Variants in ENTREP2 observed in about 807,000 individuals in gnomAD.
ENTREP2 encodes the protein endosomal transmembrane epsin interactor 2.
chr15:29,231,530 G>A, the ENTREP2 span, among the ~76,000 whole-genome samples: 1 of 152,060 alleles, frequency 6.6e-6, no homozygotes, highest in African/African-American at 2.4e-5. Flanking sequence ...ATTATTGTAT[G>A]TGATTAATGA....
chr15:29,643,972 TA>T, the ENTREP2 span, among the ~76,000 whole-genome samples: 1 of 152,070 alleles, frequency 6.6e-6, no homozygotes, highest in Non-Finnish European at 1.5e-5. Context: ...TATGCCTGCA[TA>T]AAAGCTTGTA....
chr15:29,524,593 T>C, the ENTREP2 span, among the ~76,000 whole-genome samples: 1 of 152,218 alleles, frequency 6.6e-6, no homozygotes, highest in South Asian at 2.1e-4. Context: ...CAGCGACTAG[T>C]GTTCAGCTCG....
chr15:29,462,479 C>T, the ENTREP2 span, among the ~76,000 whole-genome samples: 1 of 151,826 alleles, frequency 6.6e-6, no homozygotes, highest in Non-Finnish European at 1.5e-5. Context: ...GTGTGGTGGG[C>T]CACACCTGTA....
the ENTREP2 span, among the ~76,000 whole-genome samples, chr15:29,325,545 T>C: frequency 1.3e-5 from 2 of 151,992 alleles, no homozygotes; most frequent in Non-Finnish European, 2.9e-5. Flanking sequence ...CCAAAACTCA[T>C]ACAAGGAGAA....
At chr15:29,417,622 A>T in the ENTREP2 span, among the ~76,000 whole-genome samples, 1 of 152,084 alleles carries the variant, frequency 6.6e-6, no homozygotes, top group Non-Finnish European at 1.5e-5. Flanking sequence ...GTGCACAGGT[A>T]CCCTAAAACT....
At chr15:29,372,410 T>G in the ENTREP2 span, among the ~76,000 whole-genome samples, 2 of 152,346 alleles carry the variant, frequency 1.3e-5, no homozygotes, top group Admixed American at 6.5e-5. Context: ...AAAATATGTG[T>G]TAGTTGACTA....
the ENTREP2 span, among the ~76,000 whole-genome samples, chr15:29,491,961 TCAAA>T: frequency 1.3e-5 from 2 of 152,254 alleles, no homozygotes; most frequent in African/African-American, 4.8e-5. Flanking sequence ...CATGAAAAGC[TCAAA>T]CACTCAGGAT....
the ENTREP2 span, among the ~76,000 whole-genome samples, chr15:29,566,749 T>A: frequency 3.3e-5 from 5 of 151,960 alleles, no homozygotes; most frequent in Non-Finnish European, 5.9e-5. Flanking sequence ...GAGCCAACCA[T>A]GCCCAGTCAC....
chr15:29,364,063 G>A, the ENTREP2 span, among the ~76,000 whole-genome samples: 51,434 of 151,890 alleles, frequency 0.34, 10,620 homozygotes, highest in African/African-American at 0.57. Context: ...TTTTTTGAGA[G>A]AAGAAATATG....
At chr15:29,218,083 G>A in the ENTREP2 span, among the ~76,000 whole-genome samples, 1 of 152,212 alleles carries the variant, frequency 6.6e-6, no homozygotes, top group Non-Finnish European at 1.5e-5. Flanking sequence ...GGTCTGCACA[G>A]AGTCCTGTGA....
the ENTREP2 span, chr15:29,269,876 C>G: frequency 1.7e-6 from 1 of 603,476 alleles, no homozygotes; most frequent in East Asian, 3.5e-5. Context: ...GGCGGTGCGC[C>G]TGCGCGGCTG....
the ENTREP2 span, among the ~76,000 whole-genome samples, chr15:29,130,354 G>A: frequency 6.6e-6 from 1 of 152,168 alleles, no homozygotes; most frequent in Non-Finnish European, 1.5e-5. Context: ...AAGTCATTAT[G>A]TGCCAATAAC....
At chr15:29,251,008 T>C in the ENTREP2 span, among the ~76,000 whole-genome samples, 34 of 152,224 alleles carry the variant, frequency 2.2e-4, no homozygotes, top group African/African-American at 8.0e-4. Context: ...CCAGCGACAC[T>C]GGTCCTGCTG....
the ENTREP2 span, among the ~76,000 whole-genome samples, chr15:29,666,422 C>CTCAG: frequency 1.3e-5 from 2 of 151,942 alleles, no homozygotes; most frequent in East Asian, 3.9e-4. Flanking sequence ...CACTCACCCC[C>CTCAG]ACCCTCGCCC....
chr15:29,474,208 A>C, the ENTREP2 span, among the ~76,000 whole-genome samples: 2 of 152,162 alleles, frequency 1.3e-5, no homozygotes, highest in African/African-American at 4.8e-5. Flanking sequence ...CCAAGTTTAG[A>C]GTTGGTGGGC....
chr15:29,520,827 A>C, the ENTREP2 span, among the ~76,000 whole-genome samples: 2 of 152,236 alleles, frequency 1.3e-5, no homozygotes, highest in African/African-American at 4.8e-5. Flanking sequence ...ATAGCATCAA[A>C]GTCTGTAAAA....
the ENTREP2 span, among the ~76,000 whole-genome samples, chr15:29,657,105 T>G: frequency 6.6e-6 from 1 of 152,136 alleles, no homozygotes; most frequent in Admixed American, 6.5e-5. Flanking sequence ...CAGAGGGCAG[T>G]GGCGCGGTCT....
At chr15:29,298,961 C>A in the ENTREP2 span, among the ~76,000 whole-genome samples, 1 of 151,706 alleles carries the variant, frequency 6.6e-6, no homozygotes, top group African/African-American at 2.4e-5. Flanking sequence ...AGATCCTAAA[C>A]AAAACTTTAA....
chr15:29,415,752 C>T, the ENTREP2 span, among the ~76,000 whole-genome samples: 12 of 152,230 alleles, frequency 7.9e-5, no homozygotes, highest in East Asian at 1.9e-4. Flanking sequence ...TAGAAAACCC[C>T]GTCGTCTCAG....
Sources: allele counts gnomAD v4.1 joint callset (sites outside exome capture counted in the v4.1 genomes callset), GRCh38; gene constraint gnomAD v4.1.1; transcripts MANE v1.5; gene names NCBI Gene and HGNC (gene_info 2026-07-23, HGNC 2026-07-21).